Variants in CADM2 observed in about 807,000 individuals in gnomAD.
CADM2 encodes cell adhesion molecule 2.
A neutral mutation model predicts 49.8 loss-of-function variants in CADM2; 12 were observed. That is an observed-to-expected ratio of 0.24 (90% confidence interval 0.15 to 0.39). CADM2 has a LOEUF of 0.39. Ranked by LOEUF, CADM2 falls within the 10% of genes least tolerant of loss-of-function variation. The pLI is 1.00. For synonymous variants in CADM2, 214 were observed against 175.4 expected (o/e 1.22, Z -1.74); for missense variants, 378 against 492.3 (o/e 0.77, Z 2.20).
intron 7 of CADM2, among the ~76,000 whole-genome samples, chr3:85,960,520 A>G (rs886731308): frequency 6.6e-6 from 1 of 151,960 alleles, no homozygotes; most frequent in African/African-American, 2.4e-5. Context: ...TCTCTCATCT[A>G]TATTCTTATA....
intron 1 of CADM2, among the ~76,000 whole-genome samples, chr3:85,725,767 A>T (rs2067674351): frequency 6.6e-6 from 1 of 152,024 alleles, no homozygotes; most frequent in Non-Finnish European, 1.5e-5. Flanking sequence ...TCTCATGTTT[A>T]TGTGTCAACC....
chr3:86,069,725 T>C lies in CADM2; in HGVS notation c.*2942T>C, dbSNP rs1477635917. 1.3e-5 allele frequency: 2 copies of C among 152,018 alleles called. No individual in the cohort carries two copies. The highest frequency in any genetic ancestry group is 1.9e-4 in the East Asian group (1 of 5,186). The allele number at this position is 152,018 out of a possible 1,614,324, so 9.4% of individuals were successfully genotyped here. On this transcript the variant is annotated 3_prime_UTR_variant, in exon 10 of 10. Coordinates refer to ENST00000383699, the MANE Select transcript of CADM2 (RefSeq NM_001167675.2). ...ACACACACACACCCTTAGTAGAATA[T>C]GGAGCATTATTCTTTACCAAAAGTA...
intron 1 of CADM2, among the ~76,000 whole-genome samples, chr3:85,229,912 A>C (rs2042249270): frequency 6.6e-6 from 1 of 152,196 alleles, no homozygotes. Context: ...GTGTCATTAC[A>C]CTGATATCTG....
chr3:85,210,606 A>G (rs2041754621), intron 1 of CADM2, among the ~76,000 whole-genome samples: 2 of 152,148 alleles, frequency 1.3e-5, no homozygotes, highest in African/African-American at 2.4e-5. Flanking sequence ...CAGTGGTGCA[A>G]TCATGGCTCA....
chr3:85,687,992 C>T (rs750479185), intron 1 of CADM2, among the ~76,000 whole-genome samples: 3 of 152,158 alleles, frequency 2.0e-5, no homozygotes, highest in Admixed American at 6.5e-5. Flanking sequence ...AGGCTGTGCA[C>T]TCCTTATGAG....
chr3:85,517,682 T>C (rs2060937082), intron 1 of CADM2, among the ~76,000 whole-genome samples: 1 of 152,166 alleles, frequency 6.6e-6, no homozygotes, highest in African/African-American at 2.4e-5. Context: ...TCCAAATATT[T>C]CCCCATTAGT....
chr3:85,359,666 A>ATATATTTTTTTTTTTTT, intron 1 of CADM2, among the ~76,000 whole-genome samples: 1 of 26,544 alleles, frequency 3.8e-5, no homozygotes, highest in East Asian at 1.3e-3. Context: ...ATATATATAT[A>ATATATTTTTTTTTTTTT]TTTTTTTTTT....
At chr3:85,355,677 C>T (rs945944497) in intron 1 of CADM2, among the ~76,000 whole-genome samples, 2 of 151,974 alleles carry the variant, frequency 1.3e-5, no homozygotes, top group Admixed American at 1.3e-4. Context: ...CATAGAGTTG[C>T]GATGTCAGAT....
intron 1 of CADM2, among the ~76,000 whole-genome samples, chr3:85,151,976 A>G (rs1463121058): frequency 1.3e-5 from 2 of 152,152 alleles, no homozygotes; most frequent in Non-Finnish European, 2.9e-5. Context: ...TTAAGAAAAA[A>G]GGTTATTTTT....
At chr3:85,701,866 TA>T (rs1222155462) in intron 1 of CADM2, among the ~76,000 whole-genome samples, 2 of 53,336 alleles carry the variant, frequency 3.7e-5, no homozygotes, top group East Asian at 4.7e-4. Flanking sequence ...AAAAGATAGA[TA>T]GATAGATAGA....
rs148633506 is a variant in CADM2 at position 85,752,725 on chromosome 3, C to A, written c.88+26177C>A. 1.1e-3 allele frequency among the ~76,000 whole-genome samples: 162 copies of A among 151,752 alleles called. 3 individuals carry two copies. The East Asian group carries it at 0.028, about 26-fold the overall frequency. On this transcript the variant is annotated intron_variant, in intron 2 of 9. Transcript: ENST00000383699. The stretch of plus-strand genomic sequence containing the variant: ...ACATTAATGTCCAGATTGCCCCACT[C>A]GTGGAAAGAAAAAAATCATGGATTT...
intron 5 of CADM2, among the ~76,000 whole-genome samples, chr3:85,909,584 T>C (rs1717288561): frequency 6.6e-6 from 1 of 152,100 alleles, no homozygotes. Flanking sequence ...ATATGGTCTG[T>C]GGGCTAGCAG....
chr3:85,568,507 C>T lies in CADM2; in HGVS notation c.62-158015C>T, dbSNP rs536399901. On this transcript the variant is annotated intron_variant, in intron 1 of 9. Coordinates refer to ENST00000383699, the MANE Select transcript of CADM2 (RefSeq NM_001167675.2). ...TCTTTCTTTCTTTCTTTCTTTCTTT[C>T]TTTCTTTCCTCCCTCCCTCCCTCTC... Among the ~76,000 whole-genome samples the T allele has an allele frequency of 1.2e-4, 17 of 136,454 alleles. 1 individual carries two copies. The highest frequency in any genetic ancestry group is 4.0e-4 in the African/African-American group (14 of 35,366). 89.5% of individuals were successfully genotyped at this position (136,454 alleles called of 152,430 possible).
At chr3:85,639,264 CTT>C (rs2064627753) in intron 1 of CADM2, among the ~76,000 whole-genome samples, 1 of 152,096 alleles carries the variant, frequency 6.6e-6, no homozygotes, top group African/African-American at 2.4e-5. Flanking sequence ...AGGTGAATGT[CTT>C]TGAAGCATTC....
At chr3:85,102,844 T>C (rs1452273243) in intron 1 of CADM2, among the ~76,000 whole-genome samples, 3 of 152,138 alleles carry the variant, frequency 2.0e-5, no homozygotes, top group African/African-American at 7.2e-5. Context: ...TATATTTTAC[T>C]TAAAAAAATG....
rs916113017 is a variant in CADM2 at position 85,906,485 on chromosome 3, A to G, written c.530-5888A>G. Reference sequence around the variant, plus strand: ...TTAAGAAGAGCTGAATTTCAGTACTATTCCTTGCTAAGTGGGATAGTTATC... The same window carrying G: ...TTAAGAAGAGCTGAATTTCAGTACTGTTCCTTGCTAAGTGGGATAGTTATC... On this transcript the variant is annotated intron_variant, in intron 5 of 9. Transcript: ENST00000383699. 2.0e-5 allele frequency among the ~76,000 whole-genome samples: 3 copies of G among 152,254 alleles called. No individual in the cohort carries two copies. The East Asian group carries it at 5.8e-4, about 29-fold the overall frequency.
chr3:85,223,411 C>T (rs1209766040), intron 1 of CADM2, among the ~76,000 whole-genome samples: 1 of 152,080 alleles, frequency 6.6e-6, no homozygotes, highest in East Asian at 1.9e-4. Context: ...CATCCTATCT[C>T]CCTAGAAGCC....
chr3:85,370,200 C>A (rs2033111044), intron 1 of CADM2, among the ~76,000 whole-genome samples: 1 of 137,838 alleles, frequency 7.3e-6, no homozygotes, highest in South Asian at 2.4e-4. Context: ...GACACAAGAA[C>A]GAAACTCCTT....
At chr3:85,553,909 A>G (rs2061880348) in intron 1 of CADM2, among the ~76,000 whole-genome samples, 3 of 152,218 alleles carry the variant, frequency 2.0e-5, no homozygotes, top group Admixed American at 1.3e-4. Flanking sequence ...TTTGAATCAG[A>G]AAAGCTCCAG....
Sources: allele counts gnomAD v4.1 joint callset (sites outside exome capture counted in the v4.1 genomes callset), GRCh38; gene constraint gnomAD v4.1.1; transcripts MANE v1.5; gene names NCBI Gene and HGNC (gene_info 2026-07-23, HGNC 2026-07-21).